ANKRD13B: variants seen among roughly 807,000 people sequenced by gnomAD.
ANKRD13B encodes ankyrin repeat domain 13B.
In ANKRD13B, 33 loss-of-function variants were observed where a neutral mutation model predicts 74.4. The observed-to-expected ratio is 0.44, with a 90% CI of 0.34 to 0.59. The LOEUF (loss-of-function observed/expected upper bound fraction) is 0.59. Among genes scored for constraint, ANKRD13B ranks in the 20% least tolerant of loss-of-function variants. The probability of loss-of-function intolerance (pLI) is 0.02; values close to 1 mark genes in which losing one functional copy is unlikely to be tolerated. For synonymous variants in ANKRD13B, 341 were observed against 362.9 expected (o/e 0.94, Z 0.68); for missense variants, 676 against 877.9 (o/e 0.77, Z 2.91).
chr17:29,597,362 A>G (rs768367015), intron 1 of ANKRD13B, among the ~76,000 whole-genome samples: 1 of 152,112 alleles, frequency 6.6e-6, no homozygotes, highest in African/African-American at 2.4e-5. Context: ...GTGCTTGTAC[A>G]CTTAAGGGCA....
Position 29,612,680 on chromosome 17 carries a change from A to C in ANKRD13B, c.1440A>C (p.Pro480=). ...CCTGCCGCGGCTGCGAGATCTCCCC[A>C]GCGTTGTTCGAGGCCCCGCGCGGCT... ...TTSCRGCEIS[P]ALFEAPRGYS... The change falls in exon 13 of 15, where the codon CCA becomes CCC. Residue 480 remains proline (P), a synonymous_variant. Coordinates refer to ENST00000394859, the MANE Select transcript of ANKRD13B (RefSeq NM_152345.5). The surrounding 1 kb of genome is among the most constrained non-coding windows in gnomAD (Gnocchi z 6.1). 1 of 1,586,560 alleles carries C rather than the reference A, an allele frequency of 6.3e-7. No individual in the cohort carries two copies. The highest frequency in any genetic ancestry group is 8.5e-7 in the Non-Finnish European group (1 of 1,172,564).
rs532469124 is a variant in ANKRD13B, at chr17:29,597,678, C to A, written c.114+3943C>A. 2.0e-5 allele frequency among the ~76,000 whole-genome samples: 3 copies of A among 152,232 alleles called. No homozygotes were observed. The East Asian group carries it at 5.8e-4, about 29-fold the overall frequency. On this transcript the variant is annotated intron_variant, in intron 1 of 14. Coordinates refer to ENST00000394859, the MANE Select transcript of ANKRD13B (RefSeq NM_152345.5). The stretch of plus-strand genomic sequence containing the variant: ...CTGCTGAGGAGATTAATGAATTCTC[C>A]TACCTGGGCCCAGGGCAAGGTGCCA...
Position 29,593,620 on chromosome 17 carries a change from C to T in ANKRD13B, c.-2C>T. 2.2e-6 allele frequency: 3 copies of T among 1,355,716 alleles called. No homozygotes were observed. Among genetic ancestry groups the T allele is most frequent in the Non-Finnish European group, 2.9e-6 (3 of 1,038,228 alleles). 84.0% of individuals were successfully genotyped at this position (1,355,716 alleles called of 1,614,324 possible). On this transcript the variant is annotated 5_prime_UTR_variant, in exon 1 of 15. Transcript: ENST00000394859. ...CCGCGGCCCCGGCATGAGGAGCGGG[C>T]GATGATCCCCGCCAACGCCTCCGCC...
chr17:29,599,429 G>C (rs1329653704), intron 1 of ANKRD13B: 1 of 152,134 alleles, frequency 6.6e-6, no homozygotes, highest in Non-Finnish European at 1.5e-5. Context: ...AGTGAGAGAT[G>C]GGGGGGCAAC....
At position 29,611,374 on chromosome 17, in the gene ANKRD13B, T is replaced by G. The variant is rs567643788; in HGVS notation, c.905-205T>G. On this transcript the variant is annotated intron_variant, in intron 8 of 14. Transcript: ENST00000394859. This position sits in a 1 kb window ranked among gnomAD's most constrained non-coding sequence, Gnocchi z 4.3. ...CCTCTAGGCCTTCCTTTTAGTGTTT[T>G]AAGCTGTGCTCACAGAGGCCCTGGC... 6.6e-6 allele frequency among the ~76,000 whole-genome samples: 1 copy of G among 152,320 alleles called. No homozygotes were observed. The highest frequency in any genetic ancestry group is 2.1e-4 in the South Asian group (1 of 4,826).
rs529080158 is a variant in ANKRD13B at position 29,609,320 on chromosome 17, G to T, written c.756-35G>T. ...GTCACCCTTGAGCCAGCCCGGTGGG[G>T]TGCCTGCCTCACCTGGACCACTCTG... On this transcript the variant is annotated intron_variant, in intron 6 of 14. Coordinates refer to ENST00000394859, the MANE Select transcript of ANKRD13B (RefSeq NM_152345.5). The surrounding 1 kb of genome is among the most constrained non-coding windows in gnomAD (Gnocchi z 4.0). The T allele has an allele frequency of 6.2e-7, 1 of 1,613,346 alleles. No individual in the cohort carries two copies. The highest frequency in any genetic ancestry group is 1.7e-5 in the Admixed American group (1 of 59,998).
At chr17:29,603,637 T>C (rs1442480100) in intron 1 of ANKRD13B, among the ~76,000 whole-genome samples, 1 of 152,240 alleles carries the variant, frequency 6.6e-6, no homozygotes, top group East Asian at 1.9e-4. Flanking sequence ...TTTTAAATTG[T>C]GCAGTGTCTA....
intron 1 of ANKRD13B, among the ~76,000 whole-genome samples, chr17:29,598,892 T>C (rs1281246961): frequency 1.3e-5 from 2 of 152,174 alleles, no homozygotes; most frequent in Non-Finnish European, 2.9e-5. Flanking sequence ...TACCTTCCCC[T>C]CCTTGTGCCC....
rs576803524 is a variant in ANKRD13B, at chr17:29,596,207, G to A, written c.114+2472G>A. On this transcript the variant is annotated intron_variant, in intron 1 of 14. Transcript: ENST00000394859. ...TGGCAGTGCAGCTGGCTGAGGAGGG[G>A]GCCAGCATGGCCACCTTCAGAGCAG... Among the ~76,000 whole-genome samples, 36 of 152,360 alleles carry A rather than the reference G, an allele frequency of 2.4e-4. No individual in the cohort carries two copies. In the South Asian group the frequency reaches 7.2e-3, roughly 31 times the overall value.
At chr17:29,610,247 C>T (rs541612267) in intron 7 of ANKRD13B, among the ~76,000 whole-genome samples, 7 of 151,206 alleles carry the variant, frequency 4.6e-5, no homozygotes, top group African/African-American at 1.7e-4. Flanking sequence ...ATGTTGCCCA[C>T]GACATGAAAG....
At chr17:29,606,022 C>T (rs1480673449) in intron 1 of ANKRD13B, among the ~76,000 whole-genome samples, 1 of 151,562 alleles carries the variant, frequency 6.6e-6, no homozygotes, top group Non-Finnish European at 1.5e-5. Flanking sequence ...AAGCGGTTCT[C>T]TTGCCTCAGC....
chr17:29,606,910 C>T (rs1368261225), intron 1 of ANKRD13B, among the ~76,000 whole-genome samples: 1 of 151,534 alleles, frequency 6.6e-6, no homozygotes, highest in African/African-American at 2.4e-5. Flanking sequence ...ATTAGCCAGA[C>T]GTGTTGGCGA....
rs2034681200 is a variant in ANKRD13B at position 29,613,410 on chromosome 17, C to T, written c.1709C>T (p.Pro570Leu). ...QPAPPASVPSPRPSSGPGSGG... is the reference protein window; with the variant it reads ...QPAPPASVPSLRPSSGPGSGG... Reference sequence around the variant, plus strand: ...GCGCCCCCGGCGTCAGTGCCCAGCCCTCGGCCCAGCTCAGGGCCAGGTTCC... The same window carrying T: ...GCGCCCCCGGCGTCAGTGCCCAGCCTTCGGCCCAGCTCAGGGCCAGGTTCC... The change falls in exon 15 of 15, where the codon CCT becomes CTT. Residue 570 changes from proline (P) to leucine (L), a missense_variant. Pro to Leu is a moderately conservative substitution (Grantham distance 98). Transcript: ENST00000394859. 2.0e-6 allele frequency: 3 copies of T among 1,512,220 alleles called. No homozygotes were observed. The highest frequency in any genetic ancestry group is 1.4e-5 in the African/African-American group (1 of 69,098). 93.7% of individuals were successfully genotyped at this position (1,512,220 alleles called of 1,614,324 possible). A position where few individuals can be genotyped will look rare whatever the true frequency, so the allele number is the denominator to read the frequency against.
intron 1 of ANKRD13B, among the ~76,000 whole-genome samples, chr17:29,594,890 G>A (rs969008832): frequency 6.6e-6 from 1 of 152,222 alleles, no homozygotes; most frequent in Non-Finnish European, 1.5e-5. Flanking sequence ...CCATCGGACT[G>A]AGCAGGCTGG....
Position 29,593,719 on chromosome 17 carries a change from AG to A in ANKRD13B, c.100del (p.Val34SerfsTer56). On this transcript the variant is annotated frameshift_variant, in exon 1 of 15. Transcript: ENST00000394859. LOFTEE classifies it high-confidence loss of function. The part of the protein sequence containing the change: ...WHNRHRELEK[E>X]VRAGQVDIEQ... ...AACCGCCACCGCGAGCTGGAGAAGG[AG>A]GTCCGCGCGGGCCAGGTAGGAGCGC... 7.0e-7 allele frequency: 1 copy of A among 1,428,810 alleles called. No individual in the cohort carries two copies. The highest frequency in any genetic ancestry group is 1.4e-5 in the South Asian group (1 of 70,824). 88.5% of individuals were successfully genotyped at this position (1,428,810 alleles called of 1,614,324 possible).
At chr17:29,597,994 G>A (rs1047455915) in intron 1 of ANKRD13B, among the ~76,000 whole-genome samples, 3 of 152,096 alleles carry the variant, frequency 2.0e-5, no homozygotes, top group Admixed American at 6.5e-5. Context: ...CAGCGGCTGC[G>A]GCTGCAGCAT....
Position 29,614,332 on chromosome 17 carries a change from GA to G in ANKRD13B, c.*751del, listed in dbSNP as rs1284302355. The G allele has an allele frequency of 6.6e-6, 1 of 152,294 alleles. No individual in the cohort carries two copies. The highest frequency in any genetic ancestry group is 1.5e-5 in the Non-Finnish European group (1 of 68,060). 9.4% of individuals were successfully genotyped at this position (152,294 alleles called of 1,614,324 possible). On this transcript the variant is annotated 3_prime_UTR_variant, in exon 15 of 15. Transcript: ENST00000394859. ...CCCTCATGGTGCCTCGGAGAGTGGG[GA>G]GCATATTGGGCTGGGGTAAGCACTA...
In ANKRD13B at chr17:29,613,487, C is replaced by T; in HGVS notation, c.1786C>T (p.Leu596=). Residue 596 remains leucine (L), a synonymous_variant, in exon 15 of 15, where the codon CTG becomes TTG. Coordinates refer to ENST00000394859, the MANE Select transcript of ANKRD13B (RefSeq NM_152345.5). ...YDEQLRLAME[L]SAQEQEERRR... ...CGAGCAGCTGCGGCTGGCGATGGAACTGTCGGCGCAGGAGCAGGAGGAGAG... is the reference window on the plus strand; with the variant it reads ...CGAGCAGCTGCGGCTGGCGATGGAATTGTCGGCGCAGGAGCAGGAGGAGAG... The T allele has an allele frequency of 6.5e-7, 1 of 1,532,790 alleles. No homozygotes were observed. The highest frequency in any genetic ancestry group is 8.8e-7 in the Non-Finnish European group (1 of 1,141,704). The allele number at this position is 1,532,790 out of a possible 1,614,324, so 94.9% of individuals were successfully genotyped here. A position where few individuals can be genotyped will look rare whatever the true frequency, so the allele number is the denominator to read the frequency against.
intron 1 of ANKRD13B, among the ~76,000 whole-genome samples, chr17:29,596,743 G>A (rs578117585): frequency 8.5e-5 from 13 of 152,354 alleles, no homozygotes; most frequent in African/African-American, 3.1e-4. Context: ...GGATGTGCGA[G>A]GAGCACCTCA....
Sources: gnomAD v4.1 joint callset for allele counts (sites outside exome capture counted in the v4.1 genomes callset) on GRCh38, gnomAD v4.1.1 for gene constraint, Gnocchi (gnomAD v3.1) non-coding constraint, MANE v1.5 for transcripts, NCBI Gene and HGNC (gene_info 2026-07-23, HGNC 2026-07-21) for gene names.